Variants in SLC2A9 observed in about 807,000 individuals in gnomAD.
The protein encoded by SLC2A9 is solute carrier family 2, facilitated glucose transporter member 9.
In SLC2A9, 39 loss-of-function variants were observed where a neutral mutation model predicts 50.6. The observed-to-expected ratio is 0.77, with a 90% CI of 0.60 to 1.01. The LOEUF (loss-of-function observed/expected upper bound fraction) is 1.01, where lower values mean the gene tolerates loss of function less well. Ranked by LOEUF, SLC2A9 falls within the 50% of genes least tolerant of loss-of-function variation. SLC2A9 has a pLI of 0.00. For synonymous variants in SLC2A9, 324 were observed against 276.9 expected, an observed-to-expected ratio of 1.17 and a Z score of -1.69; for missense variants, 686 against 677.6, an observed-to-expected ratio of 1.01 and a Z score of -0.14.
At chr4:9,810,472 T>C (rs1278633190) in intron 3 of SLC2A9, among the ~76,000 whole-genome samples, 1 of 152,234 alleles carries the variant, frequency 6.6e-6, no homozygotes, top group Non-Finnish European at 1.5e-5. Context: ...ATGGTGTGTC[T>C]TTTAGCCTTC....
chr4:9,948,075 T>C (rs893922691), intron 5 of SLC2A9, among the ~76,000 whole-genome samples: 2 of 152,154 alleles, frequency 1.3e-5, no homozygotes, highest in Admixed American at 6.5e-5. Context: ...CACTCAGGCA[T>C]GTATGTTCTT....
At chr4:9,819,797 A>G (rs1393103274) in intron 3 of SLC2A9, among the ~76,000 whole-genome samples, 2 of 152,184 alleles carry the variant, frequency 1.3e-5, no homozygotes, top group Non-Finnish European at 2.9e-5. Context: ...AGCTGGGTGC[A>G]GTGATGCGTG....
chr4:10,002,874 A>G (rs574921889), intron 2 of SLC2A9, among the ~76,000 whole-genome samples: 16 of 152,124 alleles, frequency 1.1e-4, no homozygotes, highest in African/African-American at 2.7e-4. Context: ...AAGAGTAAAT[A>G]TCAACTATAT....
intron 1 of SLC2A9, among the ~76,000 whole-genome samples, chr4:10,039,452 A>G (rs895779890): frequency 2.6e-5 from 4 of 152,180 alleles, no homozygotes; most frequent in Admixed American, 2.6e-4. Flanking sequence ...TGAAGTGAAC[A>G]CTTCTTTTCC....
intron 5 of SLC2A9, among the ~76,000 whole-genome samples, chr4:9,970,573 C>A (rs1186737209): frequency 3.3e-5 from 5 of 151,972 alleles, no homozygotes; most frequent in Admixed American, 6.6e-5. Flanking sequence ...TTCCTGGAAC[C>A]CAGCTAGCTG....
rs149818861 is a variant in SLC2A9, at chr4:9,787,002, C to T, written n.386-6937G>A. Among the ~76,000 whole-genome samples, 433 of 152,332 alleles carry T rather than the reference C, an allele frequency of 2.8e-3. 4 individuals are homozygous for T. The highest frequency in any genetic ancestry group is 9.4e-3 in the African/African-American group (391 of 41,584). On this transcript the variant is annotated intron_variant and non_coding_transcript_variant, in intron 3 of 3. Coordinates refer to the SLC2A9 transcript ENST00000503803. ...CAGACTCCAGGTCCCAGCTCCCTGT[C>T]CACAAGGCTACCTGCCTGAGATTGG...
At chr4:9,844,157 A>AG (rs1728547143) in intron 10 of SLC2A9, among the ~76,000 whole-genome samples, 1 of 58,356 alleles carries the variant, frequency 1.7e-5, no homozygotes, top group Non-Finnish European at 3.3e-5. Context: ...AGTAAAAAAA[A>AG]AATAATAATA....
At chr4:10,010,981 C>T (rs1761670483) in intron 2 of SLC2A9, among the ~76,000 whole-genome samples, 1 of 152,170 alleles carries the variant, frequency 6.6e-6, no homozygotes, top group African/African-American at 2.4e-5. Flanking sequence ...GATCCTCCTA[C>T]AATCATAGGA....
intron 7 of SLC2A9, among the ~76,000 whole-genome samples, chr4:9,916,610 C>G (rs1390494671): frequency 1.3e-5 from 2 of 152,184 alleles, no homozygotes; most frequent in Non-Finnish European, 2.9e-5. Context: ...AGCAGTTGTG[C>G]AAACTGAGTA....
chr4:9,909,364 T>G (rs964498412), intron 7 of SLC2A9, among the ~76,000 whole-genome samples: 1 of 152,120 alleles, frequency 6.6e-6, no homozygotes, highest in Non-Finnish European at 1.5e-5. Flanking sequence ...GGTCTTGGAG[T>G]TGCTATACCA....
In SLC2A9 at chr4:9,890,638, C is replaced by T. The variant is rs1737212317; in HGVS notation, c.1187G>A (p.Gly396Glu). 1.9e-6 allele frequency: 3 copies of T among 1,614,096 alleles called. No homozygotes were observed. The East Asian group carries it at 6.7e-5, about 36-fold the overall frequency. Residue 396 changes from glycine (G) to glutamate (E), a missense_variant, in exon 9 of 12, where the codon GGG (glycine) becomes GAG (glutamate). Physicochemically the swap from Gly to Glu is moderately conservative, Grantham distance 98. Coordinates refer to ENST00000264784, the MANE Select transcript of SLC2A9 (RefSeq NM_020041.3). The stretch of plus-strand genomic sequence containing the variant: ...CAGGGTCAGCGTGATGGTGAGGGTC[C>T]CAAAGAAGAGGCCCATGAGCCCAAA... Reference protein sequence around the residue: ...GGFGLMGLFFGTLTITLTLQD... With the variant: ...GGFGLMGLFFETLTITLTLQD...
At chr4:9,969,745 T>C (rs1028460644) in intron 5 of SLC2A9, among the ~76,000 whole-genome samples, 1 of 152,192 alleles carries the variant, frequency 6.6e-6, no homozygotes, top group African/African-American at 2.4e-5. Context: ...GAACTCTCCT[T>C]TGTAAAACCA....
intron 5 of SLC2A9, among the ~76,000 whole-genome samples, chr4:9,967,070 C>T (rs1753162782): frequency 6.6e-6 from 1 of 152,224 alleles, no homozygotes; most frequent in South Asian, 2.1e-4. Context: ...CTTTAGAACT[C>T]TTTCCTCATT....
At chr4:9,920,841 A>G (rs1304534638) in intron 6 of SLC2A9, among the ~76,000 whole-genome samples, 1 of 152,236 alleles carries the variant, frequency 6.6e-6, no homozygotes, top group African/African-American at 2.4e-5. Flanking sequence ...TCCGCAACGC[A>G]AGGCAGAGCA....
chr4:9,924,318 G>C (rs574700978), intron 6 of SLC2A9, among the ~76,000 whole-genome samples: 1 of 152,144 alleles, frequency 6.6e-6, no homozygotes, highest in Non-Finnish European at 1.5e-5. Context: ...CTCCGCCTGC[G>C]GCTTTCCCTG....
At chr4:9,869,210 C>T (rs965874513) in intron 10 of SLC2A9, among the ~76,000 whole-genome samples, 11 of 152,100 alleles carry the variant, frequency 7.2e-5, no homozygotes, top group South Asian at 4.2e-4. Context: ...GTGGATGGAA[C>T]GGGGGAGTGG....
At chr4:9,977,640 A>T (rs533034595) in intron 5 of SLC2A9, among the ~76,000 whole-genome samples, 14 of 147,348 alleles carry the variant, frequency 9.5e-5, no homozygotes, top group Non-Finnish European at 1.8e-4. Context: ...CTCTGGCTAG[A>T]ACTCCCCGCC....
At chr4:9,891,430 C>A (rs976909872) in intron 8 of SLC2A9, among the ~76,000 whole-genome samples, 5 of 152,156 alleles carry the variant, frequency 3.3e-5, no homozygotes, top group Non-Finnish European at 7.3e-5. Flanking sequence ...TCCAGATGCA[C>A]GAACTTTGGC....
chr4:9,961,647 A>T (rs1047375482), intron 5 of SLC2A9, among the ~76,000 whole-genome samples: 5 of 152,222 alleles, frequency 3.3e-5, no homozygotes, highest in African/African-American at 1.2e-4. Flanking sequence ...TTCAGGACAT[A>T]GGCATGGGCA....
Sources: gnomAD v4.1 joint callset for allele counts (sites outside exome capture counted in the v4.1 genomes callset) on GRCh38, gnomAD v4.1.1 for gene constraint, MANE v1.5 for transcripts, NCBI Gene and HGNC (gene_info 2026-07-23, HGNC 2026-07-21) for gene names.